Variants in ARHGAP8 observed in about 807,000 individuals in gnomAD.
ARHGAP8 encodes Rho GTPase activating protein 8, also known as rho GTPase-activating protein 8.
A neutral mutation model predicts 46.1 loss-of-function variants in ARHGAP8; 62 were observed. That is an observed-to-expected ratio of 1.34 (90% CI 1.10 to 1.66). The LOEUF (loss-of-function observed/expected upper bound fraction) is 1.66. Among genes scored for constraint, ARHGAP8 ranks in the 40% most tolerant of loss-of-function variants. The probability of loss-of-function intolerance (pLI) is 0.00; values close to 1 mark genes in which losing one functional copy is unlikely to be tolerated. For missense variants in ARHGAP8, 923 were observed against 568.4 expected, an observed-to-expected ratio of 1.62 and a Z score of -6.34; for synonymous variants, 375 against 243.1, an observed-to-expected ratio of 1.54 and a Z score of -5.05.
intron 1 of ARHGAP8, among the ~76,000 whole-genome samples, chr22:44,767,545 G>A (rs1234481880): frequency 6.6e-6 from 1 of 152,016 alleles, no homozygotes; most frequent in Admixed American, 6.6e-5. Context: ...TCCCCAGAAT[G>A]GTTGCAGCAC....
chr22:44,787,195 T>G (rs577421945), intron 2 of ARHGAP8, among the ~76,000 whole-genome samples: 1 of 152,268 alleles, frequency 6.6e-6, no homozygotes, highest in South Asian at 2.1e-4. Context: ...AGGCTGAAAT[T>G]TAATGAATTG....
intron 2 of ARHGAP8, among the ~76,000 whole-genome samples, chr22:44,797,755 C>T (rs1034196231): frequency 3.9e-5 from 6 of 152,146 alleles, no homozygotes; most frequent in East Asian, 1.9e-4. Flanking sequence ...ACTGTGCGCG[C>T]GTGTGTGTGC....
intron 1 of ARHGAP8, among the ~76,000 whole-genome samples, chr22:44,757,783 C>T (rs563133484): frequency 2.7e-5 from 4 of 150,360 alleles, no homozygotes; most frequent in African/African-American, 4.9e-5. Context: ...GGATTACAGG[C>T]ACCTGTCACC....
chr22:44,778,879 A>G (rs1294762305), intron 1 of ARHGAP8, among the ~76,000 whole-genome samples: 2 of 152,128 alleles, frequency 1.3e-5, no homozygotes, highest in African/African-American at 4.8e-5. Flanking sequence ...ATTAAAAGGT[A>G]ACTTCCAGGA....
chr22:44,843,455 A>C (rs77111711), intron 7 of ARHGAP8, among the ~76,000 whole-genome samples: 5,057 of 152,350 alleles, frequency 0.033, 129 homozygotes, highest in Middle Eastern at 0.15. Flanking sequence ...AATATCTTTG[A>C]AAGTAGATTG....
chr22:44,823,872 G>C (rs1042539929), intron 6 of ARHGAP8, among the ~76,000 whole-genome samples: 1 of 152,168 alleles, frequency 6.6e-6, no homozygotes, highest in African/African-American at 2.4e-5. Context: ...TGAGGGTGCA[G>C]GGTCCTGTGA....
chr22:44,801,546 C>T (rs1395061388), intron 2 of ARHGAP8, among the ~76,000 whole-genome samples: 1 of 152,194 alleles, frequency 6.6e-6, no homozygotes, highest in Non-Finnish European at 1.5e-5. Flanking sequence ...ACAGATGTGT[C>T]AAGAGACTGT....
intron 2 of ARHGAP8, among the ~76,000 whole-genome samples, chr22:44,793,870 C>T (rs1015338896): frequency 2.0e-5 from 3 of 152,130 alleles, no homozygotes; most frequent in Non-Finnish European, 4.4e-5. Context: ...CAGAGAACAG[C>T]GAAGGGTATT....
At chr22:44,828,369 T>C (rs941334907) in intron 7 of ARHGAP8, among the ~76,000 whole-genome samples, 5 of 150,044 alleles carry the variant, frequency 3.3e-5, no homozygotes, top group Admixed American at 2.0e-4. Flanking sequence ...CTCGGTCCCC[T>C]CCTGGGGGCA....
intron 4 of ARHGAP8, among the ~76,000 whole-genome samples, chr22:44,812,152 C>T (rs1240511385): frequency 2.0e-5 from 3 of 152,018 alleles, no homozygotes; most frequent in Admixed American, 6.6e-5. Flanking sequence ...TGAACAAATT[C>T]GCACGCAAGT....
intron 10 of ARHGAP8, among the ~76,000 whole-genome samples, chr22:44,858,369 GT>G (rs67748773): frequency 0.27 from 37,879 of 141,846 alleles, 5,887 homozygotes; most frequent in East Asian, 0.59. Context: ...GTTGGTGGTG[GT>G]TTTTTTTTTT....
chr22:44,772,436 C>T (rs1269562583), intron 1 of ARHGAP8, among the ~76,000 whole-genome samples: 10 of 149,938 alleles, frequency 6.7e-5, no homozygotes, highest in East Asian at 2.0e-4. Flanking sequence ...GTGATCCGCC[C>T]GCCTTGGCCT....
intron 11 of ARHGAP8, among the ~76,000 whole-genome samples, chr22:44,860,262 C>A (rs2349858): frequency 0.5 from 75,242 of 151,624 alleles, 19,046 homozygotes; most frequent in Admixed American, 0.56. Flanking sequence ...GTGACTGCAT[C>A]GTGGGTGCCT....
rs777720073 is a variant in ARHGAP8 at position 44,849,027 on chromosome 22, T to C, written c.844T>C (p.Phe282Leu). 6.2e-7 allele frequency: 1 copy of C among 1,614,036 alleles called. No homozygotes were observed. Among genetic ancestry groups the C allele is most frequent in the South Asian group, 1.1e-5 (1 of 91,084 alleles). ...LRELPQPLLT[F>L]QAYEQILGIT... ...AGAGCTGCCCCAGCCGCTTCTGACC[T>C]TCCAGGCCTACGAGCAGATTCTCGG... The change falls in exon 10 of 12, where the codon TTC becomes CTC. Residue 282 changes from phenylalanine to leucine, a missense_variant. Transcript: ENST00000356099.
At chr22:44,756,991 CTG>C (rs1375315488) in intron 1 of ARHGAP8, among the ~76,000 whole-genome samples, 1 of 152,166 alleles carries the variant, frequency 6.6e-6, no homozygotes, top group Non-Finnish European at 1.5e-5. Flanking sequence ...TTATAGCTCA[CTG>C]CGGCCTCGAA....
intron 5 of ARHGAP8, among the ~76,000 whole-genome samples, chr22:44,820,692 C>T (rs555309528): frequency 5.3e-5 from 8 of 152,360 alleles, no homozygotes; most frequent in Admixed American, 3.9e-4. Flanking sequence ...CCCCAGCCTT[C>T]AGCCCGGGTT....
intron 7 of ARHGAP8, among the ~76,000 whole-genome samples, chr22:44,837,788 G>A (rs1282384416): frequency 6.6e-6 from 1 of 152,140 alleles, no homozygotes; most frequent in Admixed American, 6.5e-5. Context: ...TCTTCCGCTA[G>A]CTGTGAGAGC....
chr22:44,820,784 T>C (rs1352375576), intron 5 of ARHGAP8, among the ~76,000 whole-genome samples: 1 of 152,120 alleles, frequency 6.6e-6, no homozygotes, highest in East Asian at 1.9e-4. Context: ...GTCCGATTCT[T>C]TCTCGTCCAC....
At chr22:44,777,554 C>G (rs999035212) in intron 1 of ARHGAP8, among the ~76,000 whole-genome samples, 10 of 152,032 alleles carry the variant, frequency 6.6e-5, no homozygotes, top group Admixed American at 3.3e-4. Flanking sequence ...AAGTCTCCTC[C>G]CTACTGCTCG....
Sources: allele counts gnomAD v4.1 joint callset (sites outside exome capture counted in the v4.1 genomes callset), GRCh38; gene constraint gnomAD v4.1.1; transcripts MANE v1.5; gene names NCBI Gene and HGNC (gene_info 2026-07-23, HGNC 2026-07-21).